The following ABCC12 variants were observed in gnomAD, a reference collection of about 807,000 sequenced individuals.
ABCC12 encodes the protein ATP binding cassette subfamily C member 12.
ABCC12 carries 142 observed loss-of-function variants against 151.1 expected under a neutral mutation model. The observed-to-expected ratio is 0.94, with a 90% CI of 0.82 to 1.08. The LOEUF is 1.08. ABCC12 is among the 50% of genes least tolerant of loss of function. The pLI is 0.00. For synonymous variants in ABCC12, 645 were observed against 646.4 expected (o/e 1.00, Z 0.03); for missense variants, 1,638 against 1,691.1 (o/e 0.97, Z 0.55).
At chr16:48,123,127 G>C (rs946887440) in intron 12 of ABCC12, among the ~76,000 whole-genome samples, 2 of 152,220 alleles carry the variant, frequency 1.3e-5, no homozygotes, top group African/African-American at 4.8e-5. Context: ...TTAAAAGGAG[G>C]CAAATTTCAC....
intron 9 of ABCC12, among the ~76,000 whole-genome samples, chr16:48,132,532 AT>A (rs1223435089): frequency 6.6e-6 from 1 of 150,912 alleles, no homozygotes; most frequent in African/African-American, 2.4e-5. Context: ...TCTCTCTCTC[AT>A]TTTTTTGTTG....
At chr16:48,094,585 A>C (rs968237828) in intron 24 of ABCC12, among the ~76,000 whole-genome samples, 1 of 152,182 alleles carries the variant, frequency 6.6e-6, no homozygotes, top group Admixed American at 6.5e-5. Context: ...TCTTTCTCCT[A>C]ACCAGAGTTA....
chr16:48,152,504 T>C (rs978093933), intron 2 of ABCC12, among the ~76,000 whole-genome samples: 15 of 152,190 alleles, frequency 9.9e-5, no homozygotes, highest in African/African-American at 2.9e-4. Flanking sequence ...TGCCCTGCCC[T>C]TGGTAACCTG....
chr16:48,132,705 T>C (rs1037970642), intron 9 of ABCC12, among the ~76,000 whole-genome samples: 31 of 152,324 alleles, frequency 2.0e-4, no homozygotes, highest in Admixed American at 7.2e-4. Flanking sequence ...CAGTTCTCCC[T>C]CTAAGGCTTT....
chr16:48,114,539 C>T (rs1384711195), intron 15 of ABCC12, among the ~76,000 whole-genome samples: 1 of 152,164 alleles, frequency 6.6e-6, no homozygotes, highest in African/African-American at 2.4e-5. Flanking sequence ...TGCTCTCCTG[C>T]TCCAATAGGC....
chr16:48,099,857 C>T (rs1487258614), intron 23 of ABCC12, among the ~76,000 whole-genome samples: 2 of 152,138 alleles, frequency 1.3e-5, no homozygotes, highest in African/African-American at 2.4e-5. Context: ...CCCCATGGAC[C>T]TTCACTAAAT....
In ABCC12 at chr16:48,124,287, G is replaced by A; in HGVS notation, c.1516-3C>T. The A allele has an allele frequency of 1.2e-6, 2 of 1,613,994 alleles. No homozygotes were observed. Among genetic ancestry groups the A allele is most frequent in the Non-Finnish European group, 1.7e-6 (2 of 1,179,858 alleles). ...CCACATATTCCCAAGATCTTCCCCT[G>A]CCAGAGAAACAGAGATGGGACACAG... On this transcript the variant is annotated splice_polypyrimidine_tract_variant and splice_region_variant and intron_variant, in intron 11 of 30. Transcript: ENST00000311303.
Position 48,107,309 on chromosome 16 carries a change from A to C in ABCC12, c.2475+13T>G, listed in dbSNP as rs1438561892. 6.2e-7 allele frequency: 1 copy of C among 1,613,150 alleles called. No homozygotes were observed. The highest frequency in any genetic ancestry group is 1.1e-5 in the South Asian group (1 of 91,042). ...ACAGACTCGGCATCTTCCAATGCCA[A>C]AGGGAAACTCACCCGTGAGCCCTTG... On this transcript the variant is annotated intron_variant, in intron 20 of 30. Coordinates refer to ENST00000311303, the MANE Select transcript of ABCC12 (RefSeq NM_001393797.1).
At chr16:48,130,734 T>A in intron 10 of ABCC12, 54 bp downstream of exon 10, 2 of 1,450,350 alleles carry the variant, frequency 1.4e-6, no homozygotes, top group Non-Finnish European at 1.9e-6. Flanking sequence ...ATCTGAGCAT[T>A]TTCCCACCCC....
chr16:48,091,011 C>T (rs944745702), intron 25 of ABCC12, 109 bp downstream of exon 25: 4 of 1,116,676 alleles, frequency 3.6e-6, no homozygotes, highest in Non-Finnish European at 4.1e-6. Context: ...ACGCCCGGCC[C>T]GATTTCCGTT....
chr16:48,088,815 C>A, intron 25 of ABCC12, 81 bp from the exon 26 acceptor site: 2 of 1,264,572 alleles, frequency 1.6e-6, no homozygotes, highest in Non-Finnish European at 2.2e-6. Flanking sequence ...TTGATTCACA[C>A]AGTTTCAGGT....
At chr16:48,135,278 C>T (rs1964571483) in intron 8 of ABCC12, among the ~76,000 whole-genome samples, 1 of 152,182 alleles carries the variant, frequency 6.6e-6, no homozygotes, top group Non-Finnish European at 1.5e-5. Context: ...GCGGCAAAAC[C>T]TCAGCGTGGA....
chr16:48,102,031 G>T (rs1038780594), intron 22 of ABCC12, among the ~76,000 whole-genome samples: 1 of 152,144 alleles, frequency 6.6e-6, no homozygotes, highest in African/African-American at 2.4e-5. Context: ...GCCAATTCAC[G>T]CTGACTTCCT....
intron 4 of ABCC12, among the ~76,000 whole-genome samples, chr16:48,141,860 T>C (rs1022108985): frequency 6.6e-6 from 1 of 152,186 alleles, no homozygotes; most frequent in Non-Finnish European, 1.5e-5. Context: ...TAGGTTTCAC[T>C]CCAAGTGCAA....
chr16:48,119,942 T>C (rs1170834757), intron 13 of ABCC12, among the ~76,000 whole-genome samples: 1 of 152,160 alleles, frequency 6.6e-6, no homozygotes, highest in Non-Finnish European at 1.5e-5. Context: ...TTTATTTATC[T>C]GTAAAATGGG....
chr16:48,124,317 T>A (rs199991850), intron 11 of ABCC12, 33 bp from the exon 12 acceptor site: 3 of 1,605,042 alleles, frequency 1.9e-6, no homozygotes, highest in Non-Finnish European at 2.6e-6. Flanking sequence ...ACACAGTCAC[T>A]CTCTCCCACT....
At chr16:48,115,692 G>C in intron 14 of ABCC12, 74 bp from the exon 15 acceptor site, 1 of 1,452,454 alleles carries the variant, frequency 6.9e-7, no homozygotes, top group Non-Finnish European at 9.3e-7. Flanking sequence ...GCTTCCTGGA[G>C]CTTCTCAGGA....
At position 48,130,879 on chromosome 16, in the gene ABCC12, G is replaced by A; in HGVS notation, c.1145C>T (p.Ala382Val). ...LTAPVAFSVI[A>V]MFNVMKFSIA... The stretch of plus-strand genomic sequence containing the variant: ...GGAAAACTTCATTACATTAAACATG[G>A]CAATCACACTAAATGCCTGAAGAAC... The change falls in exon 10 of 31, where the codon GCC becomes GTC. Residue 382 changes from alanine to valine, a missense_variant. Coordinates refer to ENST00000311303, the MANE Select transcript of ABCC12 (RefSeq NM_001393797.1). 6.2e-7 allele frequency: 1 copy of A among 1,611,758 alleles called. No individual in the cohort carries two copies. Among genetic ancestry groups the A allele is most frequent in the Non-Finnish European group, 8.5e-7 (1 of 1,178,306 alleles).
chr16:48,108,894 A>G (rs1007258452), intron 18 of ABCC12, among the ~76,000 whole-genome samples: 2 of 152,186 alleles, frequency 1.3e-5, no homozygotes, highest in Non-Finnish European at 2.9e-5. Context: ...GTGTGTCACC[A>G]AGCTGGCGAC....
Sources: allele counts gnomAD v4.1 joint callset (sites outside exome capture counted in the v4.1 genomes callset), GRCh38; gene constraint gnomAD v4.1.1; transcripts MANE v1.5; gene names NCBI Gene and HGNC (gene_info 2026-07-23, HGNC 2026-07-21).